Variants in ABCA13 observed in about 807,000 individuals in gnomAD.
ABCA13 encodes the protein ATP binding cassette subfamily A member 13, also known as ATP-binding cassette sub-family A member 13.
Under a neutral mutation model 478.7 loss-of-function variants are expected in ABCA13, and 476 were observed. The observed-to-expected ratio is 0.99, with a 90% CI of 0.92 to 1.07. The LOEUF is 1.07. ABCA13 is among the 50% of genes least tolerant of loss of function. ABCA13 has a pLI of 0.00. For synonymous variants in ABCA13, 2,252 were observed against 2,158.9 expected (o/e 1.04, Z -1.20); for missense variants, 6,060 against 5,910.6 (o/e 1.03, Z -0.83).
intron 55 of ABCA13, among the ~76,000 whole-genome samples, chr7:48,546,732 A>G (rs1784849947): frequency 6.6e-6 from 1 of 151,688 alleles, no homozygotes; most frequent in Non-Finnish European, 1.5e-5. Flanking sequence ...CTATGACACC[A>G]TCAAAATTCT....
chr7:48,558,731 C>T (rs964907169), intron 55 of ABCA13, among the ~76,000 whole-genome samples: 3 of 152,122 alleles, frequency 2.0e-5, no homozygotes, highest in Non-Finnish European at 4.4e-5. Flanking sequence ...TTCCTCAAAA[C>T]GGCTATTTTG....
intron 42 of ABCA13, among the ~76,000 whole-genome samples, chr7:48,453,152 T>C (rs1009920524): frequency 2.6e-5 from 4 of 152,094 alleles, no homozygotes; most frequent in African/African-American, 9.7e-5. Flanking sequence ...ATTAAATCAG[T>C]GGTTCCATAG....
At chr7:48,236,437 G>C (rs1224577117) in intron 8 of ABCA13, among the ~76,000 whole-genome samples, 1 of 152,078 alleles carries the variant, frequency 6.6e-6, no homozygotes, top group Non-Finnish European at 1.5e-5. Flanking sequence ...GCCTCTGCTG[G>C]TTTTCAGTTT....
Position 48,271,923 on chromosome 7 carries a change from A to G in ABCA13, c.2257A>G (p.Ile753Val). 1.2e-6 allele frequency: 2 copies of G among 1,613,586 alleles called. No homozygotes were observed. Among genetic ancestry groups the G allele is most frequent in the Non-Finnish European group, 1.7e-6 (2 of 1,179,704 alleles). Reference protein sequence around the residue: ...LLLPNLFDSSIVPSFHSLPSL... With the variant: ...LLLPNLFDSSVVPSFHSLPSL... ...GTTGCCTAATCTTTTTGACTCCTCC[A>G]TTGTTCCCAGTTTCCACAGCCTCCC... Residue 753 changes from isoleucine (I) to valine (V), a missense_variant, in exon 17 of 62, where the codon ATT (isoleucine) becomes GTT (valine). By Grantham distance (29) the Ile-to-Val change is conservative (BLOSUM62 3). Around this residue, in one of 3 missense-constraint regions of ABCA13, gnomAD observed 4,423 missense variants for 4,309.1 expected, o/e 1.03. Coordinates refer to ENST00000435803, the MANE Select transcript of ABCA13 (RefSeq NM_152701.5).
chr7:48,523,259 T>G (rs1445830344), intron 53 of ABCA13, among the ~76,000 whole-genome samples: 1 of 152,222 alleles, frequency 6.6e-6, no homozygotes. Context: ...CTATGTTCTC[T>G]GTAGAATAAA....
intron 48 of ABCA13, among the ~76,000 whole-genome samples, chr7:48,501,233 T>C (rs545801924): frequency 6.6e-6 from 1 of 152,244 alleles, no homozygotes; most frequent in East Asian, 1.9e-4. Context: ...CTTGATGACA[T>C]TATTTTCCTA....
intron 41 of ABCA13, among the ~76,000 whole-genome samples, chr7:48,420,503 T>C (rs1291158684): frequency 2.0e-5 from 3 of 152,250 alleles, no homozygotes; most frequent in Non-Finnish European, 4.4e-5. Context: ...TTTTGCAGTG[T>C]ATTTTTTAAT....
chr7:48,642,841 A>T lies in ABCA13; in HGVS notation c.14838-447A>T, dbSNP rs370638452. 2.0e-5 allele frequency among the ~76,000 whole-genome samples: 3 copies of T among 152,162 alleles called. No individual in the cohort carries two copies. In the South Asian group the frequency reaches 6.2e-4, roughly 32 times the overall value. Reference sequence around the variant, plus strand: ...AATTGGGATAACTTTTTTATATAACAAACAAACAAGTGCCTGGTAATTACA... The same window carrying T: ...AATTGGGATAACTTTTTTATATAACTAACAAACAAGTGCCTGGTAATTACA... On this transcript the variant is annotated intron_variant, in intron 59 of 61. Transcript: ENST00000435803.
chr7:48,605,879 A>T (rs191437122), intron 58 of ABCA13, among the ~76,000 whole-genome samples: 3 of 152,248 alleles, frequency 2.0e-5, no homozygotes, highest in Admixed American at 2.0e-4. Context: ...CTTTTCACAT[A>T]GTCCCATATT....
At chr7:48,405,910 T>C (rs1585181682) in intron 39 of ABCA13, among the ~76,000 whole-genome samples, 1 of 152,288 alleles carries the variant, frequency 6.6e-6, no homozygotes, top group Admixed American at 6.5e-5. Context: ...AAGTGCAAAA[T>C]CAATAGTATG....
At chr7:48,283,660 C>T (rs1474441014) in intron 19 of ABCA13, among the ~76,000 whole-genome samples, 1 of 152,190 alleles carries the variant, frequency 6.6e-6, no homozygotes, top group Non-Finnish European at 1.5e-5. Context: ...CACTGATGGG[C>T]TTCAGACTAG....
intron 58 of ABCA13, among the ~76,000 whole-genome samples, chr7:48,604,767 A>G (rs1791294473): frequency 6.6e-6 from 1 of 152,156 alleles, no homozygotes; most frequent in Non-Finnish European, 1.5e-5. Context: ...GCTGAGTTCA[A>G]GTCCTGGATA....
chr7:48,483,239 C>T, intron 47 of ABCA13, 76 bp downstream of exon 47: 1 of 1,334,858 alleles, frequency 7.5e-7, no homozygotes, highest in Non-Finnish European at 1.0e-6. Context: ...TAATTTTGAG[C>T]ACAGGGTTCA....
At chr7:48,637,132 G>T (rs1290956118) in intron 59 of ABCA13, among the ~76,000 whole-genome samples, 1 of 151,826 alleles carries the variant, frequency 6.6e-6, no homozygotes, top group Non-Finnish European at 1.5e-5. Flanking sequence ...AATAGAGAGG[G>T]TTTGCTTGTG....
At chr7:48,528,040 G>A (rs1286304755) in intron 54 of ABCA13, among the ~76,000 whole-genome samples, 196 bp from the exon 55 acceptor site, 2 of 152,020 alleles carry the variant, frequency 1.3e-5, no homozygotes, top group East Asian at 1.9e-4. Context: ...GATTTTGAGA[G>A]GACTTTGTAA....
Position 48,367,812 on chromosome 7 carries a change from T to A in ABCA13, c.10707T>A (p.Gly3569=), listed in dbSNP as rs1181071353. The A allele has an allele frequency of 1.3e-6, 2 of 1,568,464 alleles. No individual in the cohort carries two copies. The highest frequency in any genetic ancestry group is 4.7e-5 in the East Asian group (2 of 42,768). Residue 3569 remains glycine, a synonymous_variant, in exon 32 of 62, where the codon GGT becomes GGA. Transcript: ENST00000435803. ...HTSDLFLNNV[G]FFFPLIMMLT... Reference sequence around the variant, plus strand: ...CTTACAGATTCCTGAACAACGTTGGTTTCTTTTTTCCACTGATAATGATGC... The same window carrying A: ...CTTACAGATTCCTGAACAACGTTGGATTCTTTTTTCCACTGATAATGATGC...
chr7:48,555,517 C>T (rs66793444), intron 55 of ABCA13, among the ~76,000 whole-genome samples: 21,055 of 151,658 alleles, frequency 0.14, 1,834 homozygotes, highest in African/African-American at 0.23. Flanking sequence ...TTGTTATTCA[C>T]ATGTTCAGAT....
In ABCA13 at chr7:48,274,215, T is replaced by A; in HGVS notation, c.4549T>A (p.Ser1517Thr). The A allele has an allele frequency of 6.2e-7, 1 of 1,612,974 alleles. No individual in the cohort carries two copies. Among genetic ancestry groups the A allele is most frequent in the Non-Finnish European group, 8.5e-7 (1 of 1,179,402 alleles). Residue 1517 changes from serine (S) to threonine (T), a missense_variant, in exon 17 of 62, where the codon TCC becomes ACC. Physicochemically the swap from Ser to Thr is moderately conservative, Grantham distance 58. This residue lies in a region of ABCA13 where 4,423 missense variants were observed against 4,309.1 expected (regional missense o/e 1.03). Coordinates refer to ENST00000435803, the MANE Select transcript of ABCA13 (RefSeq NM_152701.5). ...AACAGACTTTGATTTTGCATCTCAGTCCAATTGGAGATATTTTACTGAATT... is the reference window on the plus strand; with the variant it reads ...AACAGACTTTGATTTTGCATCTCAGACCAATTGGAGATATTTTACTGAATT... ...LTTDFDFASQSNWRYFTELIL... is the reference protein window; with the variant it reads ...LTTDFDFASQTNWRYFTELIL...
At chr7:48,204,236 G>A (rs749382452) in intron 3 of ABCA13, among the ~76,000 whole-genome samples, 3 of 148,268 alleles carry the variant, frequency 2.0e-5, no homozygotes, top group African/African-American at 7.5e-5. Flanking sequence ...TTTTGAGACA[G>A]TCTGGCTCTG....
Sources: allele counts gnomAD v4.1 joint callset (sites outside exome capture counted in the v4.1 genomes callset), GRCh38; gene constraint gnomAD v4.1.1; regional missense constraint gnomAD v4.1.1; transcripts MANE v1.5; gene names NCBI Gene and HGNC (gene_info 2026-07-23, HGNC 2026-07-21).